SGIP1: variants seen among roughly 807,000 people sequenced by gnomAD.
The protein encoded by SGIP1 is SH3GL interacting endocytic adaptor 1, also known as SH3-containing GRB2-like protein 3-interacting protein 1.
A neutral mutation model predicts 107.5 loss-of-function variants in SGIP1; 38 were observed. That is an observed-to-expected ratio of 0.35 (90% CI 0.27 to 0.46). SGIP1 has a LOEUF of 0.46. Among genes scored for constraint, SGIP1 ranks in the 20% least tolerant of loss-of-function variants. SGIP1 has a pLI of 1.00. For synonymous variants in SGIP1, 365 were observed against 366.1 expected, an observed-to-expected ratio of 1.00 and a Z score of 0.03; for missense variants, 929 against 1,019.5, an observed-to-expected ratio of 0.91 and a Z score of 1.21.
intron 1 of SGIP1, among the ~76,000 whole-genome samples, chr1:66,589,400 T>C (rs987386538): frequency 2.0e-5 from 3 of 151,686 alleles, no homozygotes; most frequent in Admixed American, 6.6e-5. Flanking sequence ...CCAATTTCTC[T>C]TCTTTTCTCA....
intron 19 of SGIP1, among the ~76,000 whole-genome samples, chr1:66,723,701 T>C (rs943970084): frequency 6.6e-6 from 1 of 152,212 alleles, no homozygotes; most frequent in Non-Finnish European, 1.5e-5. Flanking sequence ...TTGTGCCTGG[T>C]ATATTGTGTA....
intron 8 of SGIP1, among the ~76,000 whole-genome samples, chr1:66,664,763 A>G (rs2082187123): frequency 6.6e-6 from 1 of 150,894 alleles, no homozygotes; most frequent in Non-Finnish European, 1.5e-5. Context: ...CCTCTGGTGA[A>G]TCCATGCATT....
intron 5 of SGIP1, 113 bp downstream of exon 5, chr1:66,639,946 G>A: frequency 1.2e-6 from 1 of 803,354 alleles, no homozygotes; most frequent in South Asian, 1.8e-5. Flanking sequence ...ATGTCATTAG[G>A]AAGTGTCTGG....
At chr1:66,588,805 C>G (rs2063100044) in intron 1 of SGIP1, among the ~76,000 whole-genome samples, 1 of 151,752 alleles carries the variant, frequency 6.6e-6, no homozygotes, top group African/African-American at 2.4e-5. Context: ...AGATCATTAG[C>G]AATATATTCT....
Position 66,544,595 on chromosome 1 carries a change from G to A in SGIP1, c.10+10227G>A, listed in dbSNP as rs375515270. ...TCCCAGCTAATCATGAGGCTGAGGC[G>A]GGAGAATCACTTGAACCTTGGAAGC... On this transcript the variant is annotated intron_variant, in intron 1 of 24. Transcript: ENST00000371037. 2.8e-4 allele frequency among the ~76,000 whole-genome samples: 43 copies of A among 152,148 alleles called. No individual in the cohort carries two copies. In the East Asian group the frequency reaches 3.1e-3, roughly 11 times the overall value.
chr1:66,536,894 T>C (rs1186122294), intron 1 of SGIP1, among the ~76,000 whole-genome samples: 1 of 152,200 alleles, frequency 6.6e-6, no homozygotes, highest in Non-Finnish European at 1.5e-5. Flanking sequence ...AGAAAAAGCA[T>C]GGCCATGGCA....
chr1:66,692,016 G>A (rs780703483), intron 17 of SGIP1, among the ~76,000 whole-genome samples: 15 of 151,986 alleles, frequency 9.9e-5, no homozygotes, highest in East Asian at 1.9e-4. Context: ...AAAATTAGCC[G>A]GGTGTGGTGG....
At chr1:66,652,221 A>G (rs9659684) in intron 7 of SGIP1, among the ~76,000 whole-genome samples, 40,825 of 151,620 alleles carry the variant, frequency 0.27, 5,555 homozygotes, top group Admixed American at 0.29. Flanking sequence ...AAAATATTGT[A>G]AAATACCCAG....
chr1:66,660,450 T>A, intron 7 of SGIP1, 63 bp from the exon 8 acceptor site: 1 of 1,511,764 alleles, frequency 6.6e-7, no homozygotes, highest in South Asian at 1.1e-5. Context: ...TGTTTCTTCT[T>A]GAAAATACAT....
At chr1:66,682,663 G>T (rs2087028653) in intron 15 of SGIP1, among the ~76,000 whole-genome samples, 2 of 151,998 alleles carry the variant, frequency 1.3e-5, no homozygotes, top group Admixed American at 6.6e-5. Context: ...CCATTGTTTG[G>T]AATTCAGGAA....
intron 1 of SGIP1, among the ~76,000 whole-genome samples, chr1:66,617,565 G>GT (rs1275558275): frequency 6.6e-6 from 1 of 152,180 alleles, no homozygotes; most frequent in Non-Finnish European, 1.5e-5. Flanking sequence ...AAATTTGCCT[G>GT]TTTTTTATTA....
intron 5 of SGIP1, 69 bp from the exon 6 acceptor site, chr1:66,642,741 C>G: frequency 1.5e-6 from 2 of 1,362,786 alleles, no homozygotes; most frequent in Non-Finnish European, 2.0e-6. Context: ...ATAGAAGACT[C>G]TAGAAAAAAA....
intron 9 of SGIP1, 146 bp from the exon 10 acceptor site, chr1:66,670,849 T>C (rs2083607406): frequency 1.0e-5 from 4 of 401,582 alleles, no homozygotes; most frequent in Non-Finnish European, 1.8e-5. Flanking sequence ...ATCTACAATT[T>C]CCTACTTAAA....
chr1:66,584,893 T>C (rs2062370752), intron 1 of SGIP1, among the ~76,000 whole-genome samples: 1 of 152,210 alleles, frequency 6.6e-6, no homozygotes, highest in Non-Finnish European at 1.5e-5. Context: ...CCTTTCTTCA[T>C]GCCCTTCTCA....
intron 24 of SGIP1, among the ~76,000 whole-genome samples, chr1:66,742,347 C>G (rs1162426999): frequency 1.3e-5 from 2 of 150,442 alleles, no homozygotes; most frequent in Non-Finnish European, 2.9e-5. Context: ...CAGTGATTTG[C>G]TGGGATAAAT....
intron 21 of SGIP1, among the ~76,000 whole-genome samples, chr1:66,738,911 A>G (rs2094354795): frequency 6.6e-6 from 1 of 152,052 alleles, no homozygotes; most frequent in African/African-American, 2.4e-5. Context: ...TGACAACCCT[A>G]TGGGTAAATA....
chr1:66,708,342 T>C (rs1183993055), intron 18 of SGIP1, among the ~76,000 whole-genome samples: 1 of 152,194 alleles, frequency 6.6e-6, no homozygotes, highest in African/African-American at 2.4e-5. Context: ...CATAGTGCCA[T>C]GCTATAGCTG....
intron 18 of SGIP1, among the ~76,000 whole-genome samples, chr1:66,713,604 T>C (rs951738498): frequency 3.3e-5 from 5 of 152,154 alleles, no homozygotes; most frequent in African/African-American, 1.2e-4. Flanking sequence ...TCTAACTTCA[T>C]GTAGTGTTTC....
intron 1 of SGIP1, among the ~76,000 whole-genome samples, chr1:66,621,595 A>G (rs2071143155): frequency 6.6e-6 from 1 of 152,180 alleles, no homozygotes; most frequent in Non-Finnish European, 1.5e-5. Context: ...TTAAGCAGCC[A>G]TTCCCCTTTC....
Sources: allele counts gnomAD v4.1 joint callset (sites outside exome capture counted in the v4.1 genomes callset), GRCh38; gene constraint gnomAD v4.1.1; transcripts MANE v1.5; gene names NCBI Gene and HGNC (gene_info 2026-07-23, HGNC 2026-07-21).